PTH2R: variants seen among roughly 807,000 people sequenced by gnomAD.
PTH2R encodes the protein PTH2 receptor.
In PTH2R, 59 loss-of-function variants were observed where a neutral mutation model predicts 60.3. The observed-to-expected ratio is 0.98, with a 90% CI of 0.79 to 1.22. The LOEUF (loss-of-function observed/expected upper bound fraction) is 1.22, where lower values mean the gene tolerates loss of function less well. PTH2R is among the 50% of genes most tolerant of loss of function. The pLI is 0.00. For missense variants in PTH2R, 749 were observed against 682.6 expected, an observed-to-expected ratio of 1.10 and a Z score of -1.08; for synonymous variants, 256 against 243.8, an observed-to-expected ratio of 1.05 and a Z score of -0.47.
intron 1 of PTH2R, among the ~76,000 whole-genome samples, chr2:208,392,604 G>T (rs1454250266): frequency 6.6e-6 from 1 of 152,140 alleles, no homozygotes; most frequent in Non-Finnish European, 1.5e-5. Context: ...GGACTTTTAG[G>T]CCTGATTAGA....
In PTH2R at chr2:208,377,483, G is replaced by A. The variant is rs1293824499; in HGVS notation, c.-259+17246G>A. Among the ~76,000 whole-genome samples, 125 of 149,182 alleles carry A rather than the reference G, an allele frequency of 8.4e-4. 2 individuals carry two copies. The highest frequency in any genetic ancestry group is 1.4e-3 in the Non-Finnish European group (92 of 67,164). ...GTGCCCCCCACCTCCCGGATGGGGC[G>A]GCGGCTGGGTGGAGGCGGGCCCCCA... On this transcript the variant is annotated intron_variant, in intron 1 of 12. Coordinates refer to the PTH2R transcript ENST00000617735.
chr2:208,425,121 C>G (rs1414601018), intron 1 of PTH2R, among the ~76,000 whole-genome samples: 1 of 151,874 alleles, frequency 6.6e-6, no homozygotes, highest in Non-Finnish European at 1.5e-5. Context: ...TCAAGCAGAA[C>G]AAAATAATTA....
chr2:208,400,324 A>G (rs181805692), intron 1 of PTH2R, among the ~76,000 whole-genome samples: 77 of 152,342 alleles, frequency 5.1e-4, no homozygotes, highest in Non-Finnish European at 8.1e-4. Context: ...TATTGTTATA[A>G]TATCCTGAGA....
At chr2:208,365,691 A>T (rs930622514) in intron 1 of PTH2R, among the ~76,000 whole-genome samples, 1 of 148,762 alleles carries the variant, frequency 6.7e-6, no homozygotes, top group African/African-American at 2.5e-5. Context: ...TCAAAGAATG[A>T]CCTTGGAAGT....
chr2:208,468,350 C>T lies in PTH2R; in HGVS notation c.981+8389C>T, dbSNP rs142338029. ...TTTATGTACATCAATGTATCTAATC[C>T]GACCAATAACTCTAAATAAGGAAAC... On this transcript the variant is annotated intron_variant, in intron 9 of 12. Coordinates refer to ENST00000272847, the MANE Select transcript of PTH2R (RefSeq NM_005048.4). Among the ~76,000 whole-genome samples the T allele has an allele frequency of 3.6e-3, 544 of 152,202 alleles. 3 individuals are homozygous for T. The highest frequency in any genetic ancestry group is 2.5e-3 in the African/African-American group (104 of 41,528).
chr2:208,373,672 G>A (rs2125871694), intron 1 of PTH2R, among the ~76,000 whole-genome samples: 1 of 152,122 alleles, frequency 6.6e-6, no homozygotes, highest in Middle Eastern at 3.4e-3. Context: ...GCCACTAGAG[G>A]GCTGTGAAGT....
chr2:208,472,699 T>C (rs1702912264), intron 9 of PTH2R, among the ~76,000 whole-genome samples: 1 of 152,220 alleles, frequency 6.6e-6, no homozygotes, highest in African/African-American at 2.4e-5. Flanking sequence ...ATCAGCAGCA[T>C]GTAAATGGAC....
At chr2:208,451,284 G>A (rs1171092233) in intron 8 of PTH2R, among the ~76,000 whole-genome samples, 1 of 152,098 alleles carries the variant, frequency 6.6e-6, no homozygotes, top group East Asian at 1.9e-4. Context: ...GGTGCCCTGG[G>A]CCAGTGACAC....
chr2:208,417,342 A>G (rs921610780), intron 1 of PTH2R, among the ~76,000 whole-genome samples: 8 of 152,120 alleles, frequency 5.3e-5, no homozygotes, highest in African/African-American at 1.9e-4. Context: ...GAGAGAGAAA[A>G]TTCCTATGCC....
Position 208,406,871 on chromosome 2 carries a change from T to G in PTH2R, c.-173T>G. 2 of 443,808 alleles carry G rather than the reference T, an allele frequency of 4.5e-6. No individual in the cohort carries two copies. 27.5% of individuals were successfully genotyped at this position (443,808 alleles called of 1,614,324 possible). A position where few individuals can be genotyped will look rare whatever the true frequency, so the allele number is the denominator to read the frequency against. ...CAGCACGCGGGTTCTGAGAAGCGCG[T>G]GGCTCCGGCGACAAGACCCCAAGCA... On this transcript the variant is annotated 5_prime_UTR_variant, in exon 1 of 13. Coordinates refer to ENST00000272847, the MANE Select transcript of PTH2R (RefSeq NM_005048.4).
intron 1 of PTH2R, among the ~76,000 whole-genome samples, chr2:208,396,697 C>T (rs554465452): frequency 1.4e-4 from 21 of 152,280 alleles, no homozygotes; most frequent in African/African-American, 4.3e-4. Flanking sequence ...AACGCTTTTA[C>T]GCTGTTGGTG....
intron 11 of PTH2R, among the ~76,000 whole-genome samples, chr2:208,490,202 A>G (rs2105912638): frequency 6.6e-6 from 1 of 152,280 alleles, no homozygotes; most frequent in Non-Finnish European, 1.5e-5. Context: ...CTGAACAGCT[A>G]CCACACTGCA....
intron 1 of PTH2R, among the ~76,000 whole-genome samples, chr2:208,414,138 C>T (rs972837597): frequency 6.6e-6 from 1 of 152,080 alleles, no homozygotes; most frequent in Non-Finnish European, 1.5e-5. Context: ...CTTCTGTGCC[C>T]AAGCTGTCTT....
intron 9 of PTH2R, among the ~76,000 whole-genome samples, chr2:208,476,043 C>T (rs1285327716): frequency 6.6e-6 from 1 of 152,010 alleles, no homozygotes; most frequent in Non-Finnish European, 1.5e-5. Context: ...CCCAAGGTAT[C>T]TTAGGGAGCT....
intron 1 of PTH2R, among the ~76,000 whole-genome samples, chr2:208,371,214 T>A (rs921222739): frequency 6.6e-6 from 1 of 152,066 alleles, no homozygotes; most frequent in Non-Finnish European, 1.5e-5. Flanking sequence ...CAGAAAGGCA[T>A]AAAGATTACT....
chr2:208,376,075 C>CA (rs1354785415), intron 1 of PTH2R, among the ~76,000 whole-genome samples: 15 of 152,240 alleles, frequency 9.9e-5, no homozygotes. Flanking sequence ...TAGGCACTAA[C>CA]AATTCTAAAA....
intron 12 of PTH2R, among the ~76,000 whole-genome samples, chr2:208,491,408 T>A (rs1385833639): frequency 1.3e-5 from 2 of 152,148 alleles, no homozygotes; most frequent in Non-Finnish European, 2.9e-5. Flanking sequence ...GTTTAAGAGT[T>A]AAAGAAAGAG....
At chr2:208,431,436 C>G (rs916242067) in intron 2 of PTH2R, among the ~76,000 whole-genome samples, 1 of 152,170 alleles carries the variant, frequency 6.6e-6, no homozygotes, top group Non-Finnish European at 1.5e-5. Flanking sequence ...TGATGAGCAA[C>G]TCATGAGGTT....
chr2:208,391,624 TA>T (rs1418829971), intron 1 of PTH2R, among the ~76,000 whole-genome samples: 9 of 152,320 alleles, frequency 5.9e-5, no homozygotes, highest in African/African-American at 1.9e-4. Flanking sequence ...TGACGTTATG[TA>T]ATGGATGGGC....
Sources: allele counts gnomAD v4.1 joint callset (sites outside exome capture counted in the v4.1 genomes callset), GRCh38; gene constraint gnomAD v4.1.1; transcripts MANE v1.5; gene names NCBI Gene and HGNC (gene_info 2026-07-23, HGNC 2026-07-21).